The following ASTN1 variants were observed in gnomAD, a reference collection of about 807,000 sequenced individuals.
ASTN1 encodes the protein astrotactin-1.
A neutral mutation model predicts 140.7 loss-of-function variants in ASTN1; 41 were observed. That is an observed-to-expected ratio of 0.29 (90% CI 0.23 to 0.38). ASTN1 has a LOEUF of 0.38. ASTN1 is among the 10% of genes least tolerant of loss of function. The probability of loss-of-function intolerance (pLI) is 1.00; values close to 1 mark genes in which losing one functional copy is unlikely to be tolerated. For synonymous variants in ASTN1, 640 were observed against 652.2 expected (o/e 0.98, Z 0.29); for missense variants, 1,479 against 1,678.8 (o/e 0.88, Z 2.08).
At chr1:176,902,362 C>T (rs1440430164) in intron 16 of ASTN1, among the ~76,000 whole-genome samples, 2 of 152,132 alleles carry the variant, frequency 1.3e-5, no homozygotes, top group African/African-American at 2.4e-5. Context: ...TATGACTATG[C>T]GGATTTGGAA....
chr1:177,037,656 C>T (rs921159593), intron 2 of ASTN1, among the ~76,000 whole-genome samples: 7 of 152,174 alleles, frequency 4.6e-5, no homozygotes, highest in African/African-American at 7.2e-5. Flanking sequence ...AAAAAAGAAA[C>T]ACTGACTGTA....
chr1:177,096,200 G>T (rs1230009418), intron 1 of ASTN1, among the ~76,000 whole-genome samples: 1 of 152,112 alleles, frequency 6.6e-6, no homozygotes, highest in Non-Finnish European at 1.5e-5. Flanking sequence ...TTTGCCTCAG[G>T]TTAAATAATA....
chr1:177,142,343 T>TA (rs1432532972), intron 1 of ASTN1, among the ~76,000 whole-genome samples: 1 of 151,802 alleles, frequency 6.6e-6, no homozygotes, highest in Admixed American at 6.6e-5. Context: ...AAATAAAATC[T>TA]AAAAATAAAG....
chr1:177,066,415 A>G (rs1250890541), intron 1 of ASTN1, among the ~76,000 whole-genome samples: 1 of 152,238 alleles, frequency 6.6e-6, no homozygotes, highest in Non-Finnish European at 1.5e-5. Context: ...AGTGGGAAGA[A>G]GAGTGAGATG....
At position 176,946,002 on chromosome 1, in the gene ASTN1, A is replaced by G; in HGVS notation, c.2173T>C (p.Phe725Leu). 6.2e-7 allele frequency: 1 copy of G among 1,614,134 alleles called. No individual in the cohort carries two copies. The highest frequency in any genetic ancestry group is 2.2e-5 in the East Asian group (1 of 44,872). ...SRELPMNQTL[F>L]GEMFFGYNNH... ...TTGTAACCAAAGAACATCTCCCCAA[A>G]GAGGGTCTGGTTCATGGGAAGCTCC... Residue 725 changes from phenylalanine (F) to leucine (L), a missense_variant, in exon 13 of 23, where the codon TTT becomes CTT. Coordinates refer to ENST00000361833, the MANE Select transcript of ASTN1 (RefSeq NM_004319.3).
intron 8 of ASTN1, among the ~76,000 whole-genome samples, chr1:176,978,943 G>T (rs1673483681): frequency 1.3e-5 from 2 of 152,148 alleles, no homozygotes; most frequent in Non-Finnish European, 2.9e-5. Flanking sequence ...CATTTGTTCA[G>T]AAAATATGCA....
In ASTN1 at chr1:176,865,186, C is replaced by T. The variant is rs539713490; in HGVS notation, c.3648-665G>A. 2.0e-5 allele frequency among the ~76,000 whole-genome samples: 3 copies of T among 152,284 alleles called. No individual in the cohort carries two copies. The South Asian group carries it at 6.2e-4, about 32-fold the overall frequency. ...GGAGGCCATTATCATTGTCACTTAG[C>T]CCCAGTCAAAGGAGAGGGAAAACAG... On this transcript the variant is annotated intron_variant, in intron 22 of 22. Transcript: ENST00000361833.
chr1:176,863,210 T>C lies in ASTN1; in HGVS notation c.*1074A>G, dbSNP rs1668023266. 1.0e-6 allele frequency: 1 copy of C among 985,806 alleles called. No homozygotes were observed. The highest frequency in any genetic ancestry group is 1.7e-5 in the African/African-American group (1 of 57,264). 61.1% of individuals were successfully genotyped at this position (985,806 alleles called of 1,614,324 possible). Reference sequence around the variant, plus strand: ...TGCTTATGGTCATCAGAGAAACGATTTGCAAAACTAGCAACACAAGCAAAT... The same window carrying C: ...TGCTTATGGTCATCAGAGAAACGATCTGCAAAACTAGCAACACAAGCAAAT... On this transcript the variant is annotated 3_prime_UTR_variant, in exon 23 of 23. Transcript: ENST00000361833.
In ASTN1 at chr1:177,032,507, G is replaced by A; in HGVS notation, c.814C>T (p.Leu272Phe). The change falls in exon 3 of 23, where the codon CTC becomes TTC. Residue 272 changes from leucine to phenylalanine, a missense_variant. This residue lies in a region of ASTN1 where 729 missense variants were observed against 860.4 expected (regional missense o/e 0.85). Coordinates refer to ENST00000361833, the MANE Select transcript of ASTN1 (RefSeq NM_004319.3). ...EDFASQVTRT[L>F]DSLQGCNEKS... Reference sequence around the variant, plus strand: ...TCATTGCAGCCCTGCAGGGAGTCGAGGGTGCGCGTGACCTGGCTGGCAAAG... The same window carrying A: ...TCATTGCAGCCCTGCAGGGAGTCGAAGGTGCGCGTGACCTGGCTGGCAAAG... 3 of 1,614,150 alleles carry A rather than the reference G, an allele frequency of 1.9e-6. No homozygotes were observed. The highest frequency in any genetic ancestry group is 2.5e-6 in the Non-Finnish European group (3 of 1,180,030).
intron 1 of ASTN1, among the ~76,000 whole-genome samples, chr1:177,110,005 CT>C (rs1300653023): frequency 1.3e-5 from 2 of 152,140 alleles, no homozygotes; most frequent in Non-Finnish European, 2.9e-5. Context: ...TCTTATGCTA[CT>C]TAATATTATT....
intron 8 of ASTN1, among the ~76,000 whole-genome samples, chr1:176,970,731 G>GT (rs1553235891): frequency 6.8e-6 from 1 of 147,138 alleles, no homozygotes; most frequent in Non-Finnish European, 1.5e-5. Context: ...TGTGGGTATG[G>GT]GTGTGTGTGT....
chr1:177,087,904 C>A (rs1197454266), intron 1 of ASTN1, among the ~76,000 whole-genome samples: 1 of 152,206 alleles, frequency 6.6e-6, no homozygotes, highest in Admixed American at 6.5e-5. Context: ...CTGAGGGTGG[C>A]TTGCTGACAC....
rs182874707 is a variant in ASTN1, at chr1:177,005,534, G to A, written c.1523+9257C>T. On this transcript the variant is annotated intron_variant, in intron 8 of 22. Transcript: ENST00000361833. ...AAAAGACACCTGCATGTATATGTTT[G>A]TCATAGCACAATTCACAATTGCAAA... is the stretch of plus-strand genomic sequence containing the variant. 5.1e-3 allele frequency among the ~76,000 whole-genome samples: 783 copies of A among 152,308 alleles called. 4 individuals carry two copies. The highest frequency in any genetic ancestry group is 0.017 in the African/African-American group (723 of 41,566).
At chr1:176,937,797 A>G (rs1671512910) in intron 14 of ASTN1, among the ~76,000 whole-genome samples, 1 of 152,174 alleles carries the variant, frequency 6.6e-6, no homozygotes, top group South Asian at 2.1e-4. Flanking sequence ...ATGTCTACAA[A>G]TATAATGGCA....
intron 7 of ASTN1, among the ~76,000 whole-genome samples, chr1:177,023,041 ACTTTT>A (rs1675905444): frequency 6.6e-6 from 1 of 152,202 alleles, no homozygotes; most frequent in Non-Finnish European, 1.5e-5. Flanking sequence ...TCTTCTATAA[ACTTTT>A]CTAATTTTTA....
intron 8 of ASTN1, among the ~76,000 whole-genome samples, chr1:176,982,019 G>A (rs929052473): frequency 6.6e-6 from 1 of 152,162 alleles, no homozygotes; most frequent in Admixed American, 6.5e-5. Flanking sequence ...CTAACTGGAA[G>A]GGGAGGTCAG....
rs1669413258 is a variant in ASTN1, at chr1:176,894,575, T to C, written c.2927A>G (p.Asn976Ser). 6.2e-7 allele frequency: 1 copy of C among 1,614,004 alleles called. No individual in the cohort carries two copies. Among genetic ancestry groups the C allele is most frequent in the Middle Eastern group, 1.7e-4 (1 of 6,042 alleles). The change falls in exon 17 of 23, where the codon AAC (asparagine) becomes AGC (serine). Residue 976 changes from asparagine to serine, a missense_variant. Asn to Ser is a conservative substitution (Grantham distance 46). Transcript: ENST00000361833. ...CAGGCCTCTTACCCTCTGGGTCTGG[T>C]TGTTGGTCACTAGTTCATAGATGGG... ...AAPIYELVTN[N>S]QTQRLLQEAT...
At chr1:176,879,422 C>T (rs996166628) in intron 20 of ASTN1, among the ~76,000 whole-genome samples, 5 of 152,180 alleles carry the variant, frequency 3.3e-5, no homozygotes, top group African/African-American at 7.2e-5. Context: ...TGCCCTAGAC[C>T]GTCTATGGCT....
chr1:177,025,236 ACT>A (rs1452614114), intron 5 of ASTN1, among the ~76,000 whole-genome samples: 2 of 151,868 alleles, frequency 1.3e-5, no homozygotes, highest in African/African-American at 2.4e-5. Flanking sequence ...CTACCAAGTG[ACT>A]CTTACTCTGT....
Sources: allele counts gnomAD v4.1 joint callset (sites outside exome capture counted in the v4.1 genomes callset), GRCh38; gene constraint gnomAD v4.1.1; regional missense constraint gnomAD v4.1.1; transcripts MANE v1.5; gene names NCBI Gene and HGNC (gene_info 2026-07-23, HGNC 2026-07-21).